The following ADGRG2 variants were observed in gnomAD, a reference collection of about 807,000 sequenced individuals.
ADGRG2 encodes the protein adhesion G protein-coupled receptor G2.
Under a neutral mutation model 74.1 loss-of-function variants are expected in ADGRG2, and 26 were observed. That is an observed-to-expected ratio of 0.35 (90% CI 0.26 to 0.49). The LOEUF (loss-of-function observed/expected upper bound fraction) is 0.49, where lower values mean the gene tolerates loss of function less well. Among genes scored for constraint, ADGRG2 ranks in the 20% least tolerant of loss-of-function variants. ADGRG2 has a pLI of 0.99. For missense variants in ADGRG2, 619 were observed against 763.1 expected, an observed-to-expected ratio of 0.81 and a Z score of 2.22; for synonymous variants, 296 against 295.2, an observed-to-expected ratio of 1.00 and a Z score of -0.03.
At chrX:19,118,765 C>T (rs1278758660) in intron 1 of ADGRG2, among the ~76,000 whole-genome samples, 1 of 112,001 alleles carries the variant, frequency 8.9e-6, no homozygotes, top group Non-Finnish European at 1.9e-5. Flanking sequence ...AGTTTACATT[C>T]ATCCAAAAAG....
Position 19,008,091 on chromosome X carries a change from A to G in ADGRG2, c.1455T>C (p.Ser485=), listed in dbSNP as rs1355197233. 1.7e-6 allele frequency: 2 copies of G among 1,194,415 alleles called. No individual in the cohort carries two copies. The highest frequency in any genetic ancestry group is 3.5e-5 in the African/African-American group (2 of 56,746). The change falls in exon 19 of 29, where the codon AGT becomes AGC. Residue 485 remains serine, a synonymous_variant. Transcript: ENST00000379869. ...ATGAAGGAAGAGTAATTGTGCCAATACTGTTCTCAGGAGCTTGGGTTTCCA... is the reference window on the plus strand; with the variant it reads ...ATGAAGGAAGAGTAATTGTGCCAATGCTGTTCTCAGGAGCTTGGGTTTCCA... The part of the protein sequence containing the change: ...VSLETQAPEN[S]IGTITLPSSL...
chrX:19,102,560 A>G (rs2062207982), intron 1 of ADGRG2, among the ~76,000 whole-genome samples: 1 of 108,210 alleles, frequency 9.2e-6, no homozygotes, highest in Non-Finnish European at 1.9e-5. Flanking sequence ...AACCAAGGAA[A>G]TGAATCTCTA....
At chrX:19,021,592 A>G (rs2060589676) in intron 13 of ADGRG2, among the ~76,000 whole-genome samples, 2 of 111,475 alleles carry the variant, frequency 1.8e-5, no homozygotes, top group South Asian at 7.6e-4. Flanking sequence ...TAAACATTTG[A>G]GTTTCCATCA....
chrX:19,087,047 T>TATG (rs746496643), intron 1 of ADGRG2, among the ~76,000 whole-genome samples: 226 of 111,451 alleles, frequency 2.0e-3, no homozygotes, highest in Non-Finnish European at 2.9e-3. Flanking sequence ...AGGTTGGGCA[T>TATG]ATGCACATTC....
intron 16 of ADGRG2, among the ~76,000 whole-genome samples, chrX:19,012,646 A>G (rs1250267479): frequency 3.0e-4 from 33 of 109,512 alleles, no homozygotes; most frequent in African/African-American, 2.7e-4. Flanking sequence ...AAAAAAAAAA[A>G]AAAGAAACAA....
chrX:19,064,049 C>A (rs2061527128), intron 3 of ADGRG2, among the ~76,000 whole-genome samples: 2 of 111,980 alleles, frequency 1.8e-5, no homozygotes, highest in South Asian at 7.5e-4. Flanking sequence ...TATTTAAATA[C>A]CAACTCCCAT....
At chrX:18,999,552 T>C (rs2060085818) in intron 25 of ADGRG2, among the ~76,000 whole-genome samples, 1 of 112,030 alleles carries the variant, frequency 8.9e-6, no homozygotes, top group Non-Finnish European at 1.9e-5. Context: ...TCCTAGCAAC[T>C]CTGTTCTATG....
chrX:19,029,118 G>A (rs1432408887), intron 9 of ADGRG2, among the ~76,000 whole-genome samples: 1 of 111,305 alleles, frequency 9.0e-6, no homozygotes, highest in African/African-American at 3.3e-5. Context: ...ACTTATTCCT[G>A]CTTAAAAATG....
At chrX:19,078,192 A>T (rs1278184783) in intron 2 of ADGRG2, among the ~76,000 whole-genome samples, 1 of 112,393 alleles carries the variant, frequency 8.9e-6, no homozygotes, top group African/African-American at 3.2e-5. Context: ...TTAAGGTGTA[A>T]TAACAAAAAG....
chrX:19,089,304 G>A (rs1342524581), intron 1 of ADGRG2, among the ~76,000 whole-genome samples: 1 of 110,914 alleles, frequency 9.0e-6, no homozygotes, highest in East Asian at 2.8e-4. Flanking sequence ...GGTGGGAGGA[G>A]GGAGAGGATC....
chrX:19,049,029 C>T (rs1352509033), intron 3 of ADGRG2, among the ~76,000 whole-genome samples: 1 of 111,869 alleles, frequency 8.9e-6, no homozygotes, highest in African/African-American at 3.3e-5. Flanking sequence ...TTATCTTCTC[C>T]TGCCCTCCCC....
chrX:19,004,284 A>G (rs1180093084), intron 23 of ADGRG2, among the ~76,000 whole-genome samples: 1 of 112,565 alleles, frequency 8.9e-6, no homozygotes, highest in Non-Finnish European at 1.9e-5. Context: ...CTGCAGAGCT[A>G]CACTCACTGA....
chrX:19,098,168 T>C (rs2062129197), intron 1 of ADGRG2, among the ~76,000 whole-genome samples: 1 of 112,238 alleles, frequency 8.9e-6, no homozygotes. Flanking sequence ...CTTCTATGTT[T>C]TTTTTTTCCT....
Position 18,999,136 on chromosome X carries a change from C to T in ADGRG2, c.2474G>A (p.Arg825Gln), listed in dbSNP as rs373883927. ...IKKKKQLGAQ[R>Q]KTSIQDLRSI... ...CCTGAGGTCTTGAATACTGGTTTTT[C>T]GCTGGGCTCCCAGTTGCTTCTTCTT... The change falls in exon 26 of 29, where the codon CGA becomes CAA. Residue 825 changes from arginine to glutamine, a missense_variant. Physicochemically the swap from Arg to Gln is conservative, Grantham distance 43. Around this residue, in one of 3 missense-constraint regions of ADGRG2, gnomAD observed 221 missense variants for 340.6 expected, o/e 0.65. Transcript: ENST00000379869. The T allele has an allele frequency of 5.0e-6, 6 of 1,209,376 alleles. No homozygotes were observed. In the African/African-American group the frequency reaches 7.0e-5, roughly 14 times the overall value.
chrX:19,088,029 C>G (rs1569136894), intron 1 of ADGRG2, among the ~76,000 whole-genome samples: 1 of 111,199 alleles, frequency 9.0e-6, no homozygotes, highest in Non-Finnish European at 1.9e-5. Flanking sequence ...ACTCCCAGAC[C>G]TCCAGTCCCA....
chrX:19,060,542 CT>C (rs58196298), intron 3 of ADGRG2, among the ~76,000 whole-genome samples: 23,450 of 86,791 alleles, frequency 0.27, 2,606 homozygotes, highest in East Asian at 0.39. Flanking sequence ...GGCAGGTATT[CT>C]TTTTTTTTTT....
At chrX:19,071,749 C>T (rs761050992) in intron 2 of ADGRG2, among the ~76,000 whole-genome samples, 4 of 109,705 alleles carry the variant, frequency 3.6e-5, no homozygotes, top group African/African-American at 6.6e-5. Context: ...TATATGTATG[C>T]CATAAGTTTC....
At chrX:19,023,371 A>C (rs2060633953) in intron 13 of ADGRG2, 45 bp downstream of exon 13, 1 of 828,850 alleles carries the variant, frequency 1.2e-6, no homozygotes, top group South Asian at 2.4e-5. Flanking sequence ...TTTATTTCTC[A>C]TAAATGGAGA....
chrX:19,063,280 C>T (rs1602035609), intron 3 of ADGRG2, among the ~76,000 whole-genome samples: 2 of 111,622 alleles, frequency 1.8e-5, no homozygotes, highest in East Asian at 2.8e-4. Flanking sequence ...AGCCCCGGGT[C>T]GGGGGAGCTG....
Sources: gnomAD v4.1 joint callset for allele counts (sites outside exome capture counted in the v4.1 genomes callset) on GRCh38, gnomAD v4.1.1 for gene constraint, gnomAD v4.1.1 regional missense constraint, MANE v1.5 for transcripts, NCBI Gene and HGNC (gene_info 2026-07-23, HGNC 2026-07-21) for gene names.